Variants in IMMP2L observed in about 807,000 individuals in gnomAD.
IMMP2L encodes inner mitochondrial membrane peptidase subunit 2, also known as mitochondrial inner membrane protease subunit 2.
IMMP2L carries 18 observed loss-of-function variants against 19.3 expected under a neutral mutation model. The observed-to-expected ratio is 0.93, with a 90% CI of 0.64 to 1.38. The LOEUF (loss-of-function observed/expected upper bound fraction) is 1.38, where lower values mean the gene tolerates loss of function less well. Among genes scored for constraint, IMMP2L ranks in the 40% most tolerant of loss-of-function variants. The pLI is 0.00. For missense variants in IMMP2L, 233 were observed against 218.2 expected (o/e 1.07, Z -0.43); for synonymous variants, 76 against 73.0 (o/e 1.04, Z -0.21).
chr7:110,762,594 C>G (rs1234956346), intron 5 of IMMP2L, among the ~76,000 whole-genome samples: 2 of 152,110 alleles, frequency 1.3e-5, no homozygotes, highest in African/African-American at 4.8e-5. Flanking sequence ...GACCTCTTCA[C>G]AAGCACCAAA....
intron 3 of IMMP2L, chr7:111,124,510 C>G (rs1300741982): frequency 6.2e-7 from 1 of 1,613,734 alleles, no homozygotes; most frequent in Non-Finnish European, 8.5e-7. Flanking sequence ...GGTATATAAT[C>G]TTACTCATCT....
At chr7:111,542,394 T>C (rs868529476) in intron 1 of IMMP2L, among the ~76,000 whole-genome samples, 1 of 152,128 alleles carries the variant, frequency 6.6e-6, no homozygotes, top group African/African-American at 2.4e-5. Context: ...TTTAATTACC[T>C]CATTTAATCT....
intron 5 of IMMP2L, among the ~76,000 whole-genome samples, chr7:110,801,495 G>C (rs1486844870): frequency 2.0e-5 from 3 of 152,078 alleles, no homozygotes; most frequent in Non-Finnish European, 4.4e-5. Context: ...AGGATTGCCA[G>C]AAAACTATAA....
chr7:111,112,529 T>C (rs919814929), intron 3 of IMMP2L, among the ~76,000 whole-genome samples: 1 of 152,186 alleles, frequency 6.6e-6, no homozygotes. Flanking sequence ...CATGTCTTGG[T>C]TGAAACTCAA....
At chr7:110,949,760 G>A (rs12534893) in intron 4 of IMMP2L, among the ~76,000 whole-genome samples, 71,075 of 151,892 alleles carry the variant, frequency 0.47, 18,024 homozygotes, top group Non-Finnish European at 0.58. Flanking sequence ...TAAAAAAACA[G>A]TAAGTGCAAT....
intron 3 of IMMP2L, among the ~76,000 whole-genome samples, chr7:111,469,125 G>C (rs1840965099): frequency 6.6e-6 from 1 of 152,060 alleles, no homozygotes; most frequent in Non-Finnish European, 1.5e-5. Flanking sequence ...TCTCTGTTTT[G>C]GTACCAGTAC....
At chr7:111,510,184 T>C (rs190341241) in intron 2 of IMMP2L, among the ~76,000 whole-genome samples, 85 of 152,226 alleles carry the variant, frequency 5.6e-4, no homozygotes, top group Admixed American at 1.0e-3. Flanking sequence ...GGTATAATAA[T>C]GAGTCGTGTT....
intron 3 of IMMP2L, among the ~76,000 whole-genome samples, chr7:111,164,185 AAGGC>A (rs1009328557): frequency 4.0e-5 from 6 of 151,856 alleles, no homozygotes; most frequent in South Asian, 2.1e-4. Context: ...GAAAGGCAGG[AAGGC>A]AGGCAGGCAG....
chr7:110,776,130 C>T (rs1263521020), intron 5 of IMMP2L, among the ~76,000 whole-genome samples: 1 of 151,432 alleles, frequency 6.6e-6, no homozygotes, highest in Non-Finnish European at 1.5e-5. Context: ...TAATGTACAC[C>T]CTATGGATGT....
At chr7:111,275,360 T>C (rs1380742448) in intron 3 of IMMP2L, among the ~76,000 whole-genome samples, 1 of 152,152 alleles carries the variant, frequency 6.6e-6, no homozygotes, top group African/African-American at 2.4e-5. Flanking sequence ...AAAAGAAAGT[T>C]TATGTTCTGA....
At chr7:111,310,487 T>C (rs1823395667) in intron 3 of IMMP2L, among the ~76,000 whole-genome samples, 1 of 152,124 alleles carries the variant, frequency 6.6e-6, no homozygotes, top group Non-Finnish European at 1.5e-5. Flanking sequence ...GGAAGAGCAA[T>C]CATCCTAAAT....
At chr7:110,726,370 A>G (rs925367901) in intron 5 of IMMP2L, among the ~76,000 whole-genome samples, 1 of 152,200 alleles carries the variant, frequency 6.6e-6, no homozygotes, top group Non-Finnish European at 1.5e-5. Flanking sequence ...GCACAAAAGC[A>G]TGGAAATCGA....
intron 3 of IMMP2L, among the ~76,000 whole-genome samples, chr7:111,403,001 C>CA (rs1345083813): frequency 4.7e-5 from 5 of 106,364 alleles, no homozygotes; most frequent in Non-Finnish European, 5.9e-5. Flanking sequence ...ACCCCCCCCC[C>CA]CCACCCCGCC....
At chr7:111,333,572 AG>A (rs1329847388) in intron 3 of IMMP2L, among the ~76,000 whole-genome samples, 1 of 151,984 alleles carries the variant, frequency 6.6e-6, no homozygotes, top group East Asian at 1.9e-4. Context: ...AAGGATGCAA[AG>A]CTCCCTAGGT....
rs138161100 is a variant in IMMP2L at position 110,735,652 on chromosome 7, A to AATATATATATAT, written c.409-71943_409-71932dup. 4.0e-4 allele frequency among the ~76,000 whole-genome samples: 51 copies of AATATATATATAT among 126,196 alleles called. 1 individual carries two copies. The highest frequency in any genetic ancestry group is 3.4e-3 in the East Asian group (14 of 4,092). The allele number at this position is 126,196 out of a possible 152,430, so 82.8% of individuals were successfully genotyped here. ...TCTACAAATATATATATATTAGACA[A>AATATATATATAT]ATATATATATATATATATAGTAGAC... is the stretch of plus-strand genomic sequence containing the variant. On this transcript the variant is annotated intron_variant, in intron 5 of 5. Transcript: ENST00000405709.
At chr7:110,809,351 A>C (rs4727747) in intron 5 of IMMP2L, among the ~76,000 whole-genome samples, 3 of 152,016 alleles carry the variant, frequency 2.0e-5, no homozygotes, top group African/African-American at 7.2e-5. Flanking sequence ...CATGCCTATC[A>C]ACATATATAC....
chr7:110,723,722 G>A (rs1463223356), intron 5 of IMMP2L, among the ~76,000 whole-genome samples: 1 of 152,072 alleles, frequency 6.6e-6, no homozygotes, highest in African/African-American at 2.4e-5. Context: ...CTCTGGTTAT[G>A]GCCATGGAGC....
Position 111,085,063 on chromosome 7 carries a change from A to G in IMMP2L, c.240-121498T>C, listed in dbSNP as rs186714524. Among the ~76,000 whole-genome samples the G allele has an allele frequency of 2.0e-5, 3 of 152,306 alleles. No individual in the cohort carries two copies. In the East Asian group the frequency reaches 5.8e-4, roughly 29 times the overall value. On this transcript the variant is annotated intron_variant, in intron 3 of 5. Transcript: ENST00000405709. The stretch of plus-strand genomic sequence containing the variant: ...AGACATAGAGAAAAGCCAAGATGAG[A>G]GACCTTTTTGGATCTACAGAGAAAT...
At chr7:111,541,931 C>T (rs1360885462) in intron 1 of IMMP2L, among the ~76,000 whole-genome samples, 1 of 151,868 alleles carries the variant, frequency 6.6e-6, no homozygotes, top group Admixed American at 6.6e-5. Context: ...TAAGCAAAAC[C>T]AGCCATAATA....
Sources: allele counts gnomAD v4.1 joint callset (sites outside exome capture counted in the v4.1 genomes callset), GRCh38; gene constraint gnomAD v4.1.1; transcripts MANE v1.5; gene names NCBI Gene and HGNC (gene_info 2026-07-23, HGNC 2026-07-21).